ADAMTSL3: variants seen among roughly 807,000 people sequenced by gnomAD.
ADAMTSL3 encodes ADAMTS-like protein 3.
A neutral mutation model predicts 201.7 loss-of-function variants in ADAMTSL3; 128 were observed. That is an observed-to-expected ratio of 0.63 (90% CI 0.55 to 0.73). The LOEUF is 0.73. Among genes scored for constraint, ADAMTSL3 ranks in the 30% least tolerant of loss-of-function variants. ADAMTSL3 has a pLI of 0.00. For missense variants in ADAMTSL3, 1,990 were observed against 2,119.6 expected, an observed-to-expected ratio of 0.94 and a Z score of 1.20; for synonymous variants, 738 against 748.4, an observed-to-expected ratio of 0.99 and a Z score of 0.23.
chr15:84,035,177 T>A (rs543295994), intron 28 of ADAMTSL3, among the ~76,000 whole-genome samples: 6 of 152,320 alleles, frequency 3.9e-5, no homozygotes, highest in African/African-American at 1.2e-4. Flanking sequence ...TAGTCCTGTC[T>A]GACTTCCCAC....
intron 3 of ADAMTSL3, among the ~76,000 whole-genome samples, chr15:83,709,070 G>A (rs1028934750): frequency 1.3e-5 from 2 of 152,178 alleles, no homozygotes; most frequent in African/African-American, 2.4e-5. Flanking sequence ...TTTACAGTTA[G>A]TAGAGCTTTG....
chr15:83,908,387 G>A (rs1216080847), intron 15 of ADAMTSL3, among the ~76,000 whole-genome samples: 1 of 152,216 alleles, frequency 6.6e-6, no homozygotes, highest in Non-Finnish European at 1.5e-5. Context: ...AGAATGCAAT[G>A]AATGTCTGAT....
At chr15:83,841,901 G>C (rs2064384416) in intron 7 of ADAMTSL3, among the ~76,000 whole-genome samples, 1 of 151,842 alleles carries the variant, frequency 6.6e-6, no homozygotes, top group Non-Finnish European at 1.5e-5. Context: ...ACTGGCAGAA[G>C]AACACACAGA....
At chr15:83,784,400 ACT>A (rs2063226224) in intron 4 of ADAMTSL3, among the ~76,000 whole-genome samples, 1 of 151,906 alleles carries the variant, frequency 6.6e-6, no homozygotes, top group Admixed American at 6.6e-5. Context: ...TAGTTTATGT[ACT>A]CTCTTTTAAT....
chr15:84,021,398 T>C lies in ADAMTSL3; in HGVS notation c.4274-12T>C, dbSNP rs1424743765. The C allele has an allele frequency of 1.1e-5, 18 of 1,613,600 alleles. No individual in the cohort carries two copies. The highest frequency in any genetic ancestry group is 1.4e-5 in the Non-Finnish European group (16 of 1,179,744). ...TTTGGGGCTGGCATGATATTTTGTT[T>C]TCTTTCTGCAGAGCCTTTTTGGGAG... On this transcript the variant is annotated splice_polypyrimidine_tract_variant and intron_variant, in intron 25 of 29. Coordinates refer to ENST00000286744, the MANE Select transcript of ADAMTSL3 (RefSeq NM_207517.3).
At chr15:83,912,723 A>G (rs1004372827) in intron 15 of ADAMTSL3, among the ~76,000 whole-genome samples, 3 of 152,222 alleles carry the variant, frequency 2.0e-5, no homozygotes, top group Non-Finnish European at 4.4e-5. Context: ...CTGAATAAAT[A>G]TTGGTGAAAA....
intron 2 of ADAMTSL3, chr15:83,694,392 A>G (rs747588131): frequency 7.2e-5 from 11 of 152,106 alleles, no homozygotes; most frequent in Non-Finnish European, 1.3e-4. Context: ...TTTACAATTT[A>G]TCAAGATTTG....
intron 23 of ADAMTSL3, among the ~76,000 whole-genome samples, chr15:84,006,058 T>C (rs1334096188): frequency 3.3e-5 from 5 of 152,200 alleles, no homozygotes; most frequent in African/African-American, 1.2e-4. Flanking sequence ...AGAGGAACGT[T>C]CCTTACAAAA....
chr15:83,925,582 G>T (rs1175638337), intron 17 of ADAMTSL3, among the ~76,000 whole-genome samples: 2 of 152,164 alleles, frequency 1.3e-5, no homozygotes, highest in African/African-American at 4.8e-5. Flanking sequence ...TTTTAGGAAG[G>T]TTTGATGTAA....
At chr15:83,721,101 C>A (rs2062094682) in intron 3 of ADAMTSL3, among the ~76,000 whole-genome samples, 1 of 152,124 alleles carries the variant, frequency 6.6e-6, no homozygotes, top group Non-Finnish European at 1.5e-5. Context: ...GCTTAGTTAG[C>A]AATTTTTTAT....
rs910616996 is a variant in ADAMTSL3, at chr15:83,763,747, C to T, written c.190-9776C>T. On this transcript the variant is annotated intron_variant, in intron 3 of 29. Transcript: ENST00000286744. ...ATCTCAATCTCCTGACCTCGTGATCCGCCCGCCTTGGCCTCCCAAAGTGCT... is the reference window on the plus strand; with the variant it reads ...ATCTCAATCTCCTGACCTCGTGATCTGCCCGCCTTGGCCTCCCAAAGTGCT... 5.3e-5 allele frequency among the ~76,000 whole-genome samples: 8 copies of T among 152,294 alleles called. No homozygotes were observed. The East Asian group carries it at 7.7e-4, about 15-fold the overall frequency.
intron 19 of ADAMTSL3, among the ~76,000 whole-genome samples, chr15:83,961,407 C>G (rs1014884211): frequency 6.6e-6 from 1 of 152,056 alleles, no homozygotes; most frequent in Non-Finnish European, 1.5e-5. Context: ...TATTCAGAGA[C>G]AAAATAAGGG....
intron 6 of ADAMTSL3, among the ~76,000 whole-genome samples, chr15:83,830,502 C>G (rs1410539685): frequency 2.0e-5 from 3 of 152,136 alleles, no homozygotes; most frequent in Non-Finnish European, 2.9e-5. Flanking sequence ...TCAGAGAAGT[C>G]AAGAGCAGTA....
intron 9 of ADAMTSL3, among the ~76,000 whole-genome samples, chr15:83,874,403 G>A (rs1390006807): frequency 6.9e-6 from 1 of 144,698 alleles, no homozygotes; most frequent in Non-Finnish European, 1.5e-5. Flanking sequence ...GAGTCTCCCC[G>A]GAGTCTCCTT....
intron 7 of ADAMTSL3, among the ~76,000 whole-genome samples, chr15:83,847,813 C>T (rs56182574): frequency 6.6e-6 from 1 of 151,710 alleles, no homozygotes; most frequent in Admixed American, 6.6e-5. Flanking sequence ...TCTTTTTAGT[C>T]TAAGTGATGA....
intron 6 of ADAMTSL3, among the ~76,000 whole-genome samples, chr15:83,823,972 T>TCTTCTC (rs1567170062): frequency 7.0e-4 from 50 of 71,160 alleles, no homozygotes; most frequent in Non-Finnish European, 9.3e-4. Flanking sequence ...TTCTTCTTCT[T>TCTTCTC]CTCCTCCTCC....
chr15:83,700,695 C>T (rs1202444714), intron 2 of ADAMTSL3, among the ~76,000 whole-genome samples: 1 of 152,034 alleles, frequency 6.6e-6, no homozygotes, highest in Non-Finnish European at 1.5e-5. Flanking sequence ...ACCTGTGAGG[C>T]GGAGAGTGCA....
chr15:83,860,358 A>G (rs1056448242), intron 8 of ADAMTSL3, among the ~76,000 whole-genome samples: 1 of 152,220 alleles, frequency 6.6e-6, no homozygotes, highest in African/African-American at 2.4e-5. Flanking sequence ...TGCTGCTAGC[A>G]CATCACAGCT....
chr15:83,694,613 C>G (rs1435693499), intron 2 of ADAMTSL3, among the ~76,000 whole-genome samples: 1 of 152,022 alleles, frequency 6.6e-6, no homozygotes, highest in Non-Finnish European at 1.5e-5. Flanking sequence ...GAAAGAGGAT[C>G]TGCATTGTGT....
Sources: gnomAD v4.1 joint callset for allele counts (sites outside exome capture counted in the v4.1 genomes callset) on GRCh38, gnomAD v4.1.1 for gene constraint, MANE v1.5 for transcripts, NCBI Gene and HGNC (gene_info 2026-07-23, HGNC 2026-07-21) for gene names.